The following TFB1M variants were observed in gnomAD, a reference collection of about 807,000 sequenced individuals.
TFB1M encodes the protein dimethyladenosine transferase 1, mitochondrial.
A neutral mutation model predicts 31.1 loss-of-function variants in TFB1M; 27 were observed. That is an observed-to-expected ratio of 0.87 (90% confidence interval 0.64 to 1.20). The LOEUF (loss-of-function observed/expected upper bound fraction) is 1.20, where lower values mean the gene tolerates loss of function less well. TFB1M is among the 50% of genes most tolerant of loss of function. TFB1M has a pLI of 0.00. For synonymous variants in TFB1M, 166 were observed against 151.8 expected (o/e 1.09, Z -0.69); for missense variants, 394 against 418.7 (o/e 0.94, Z 0.51).
intron 2 of TFB1M, among the ~76,000 whole-genome samples, chr6:155,302,838 T>C (rs1777492880): frequency 6.6e-6 from 1 of 152,194 alleles, no homozygotes; most frequent in Non-Finnish European, 1.5e-5. Flanking sequence ...GATGTTTAAT[T>C]GACTCACAGT....
the TFB1M span, chr6:155,244,793 TCA>T: frequency 6.3e-7 from 1 of 1,599,884 alleles, no homozygotes; most frequent in Non-Finnish European, 8.5e-7. Context: ...AGTAAGTATC[TCA>T]GATTTAGGCT....
intron 2 of TFB1M, among the ~76,000 whole-genome samples, chr6:155,308,199 C>T (rs1483951880): frequency 6.6e-6 from 1 of 152,130 alleles, no homozygotes; most frequent in African/African-American, 2.4e-5. Context: ...TAGAAATGCA[C>T]AATCAGAATG....
chr6:155,299,061 G>A (rs186481789), intron 2 of TFB1M, among the ~76,000 whole-genome samples: 3 of 151,806 alleles, frequency 2.0e-5, no homozygotes, highest in East Asian at 1.9e-4. Flanking sequence ...TAATATATGC[G>A]TAGATTTAGC....
chr6:155,254,620 C>T (rs770289853), downstream of TFB1M: 13 of 1,595,562 alleles, frequency 8.1e-6, 1 homozygote, highest in Admixed American at 1.2e-4. Context: ...ATATTATGAG[C>T]TTCTGAAAAG....
chr6:155,258,942 C>G (rs1784256891), intron 6 of TFB1M, among the ~76,000 whole-genome samples: 1 of 152,190 alleles, frequency 6.6e-6, no homozygotes, highest in Non-Finnish European at 1.5e-5. Context: ...ACCAATAAGT[C>G]AAAGTCCTTT....
At position 155,311,352 on chromosome 6, in the gene TFB1M, G is replaced by A. The variant is rs930129108; in HGVS notation, c.134-13C>T. The A allele has an allele frequency of 6.2e-7, 1 of 1,612,094 alleles. No individual in the cohort carries two copies. Among genetic ancestry groups the A allele is most frequent in the South Asian group, 1.1e-5 (1 of 91,018 alleles). On this transcript the variant is annotated splice_polypyrimidine_tract_variant and intron_variant, in intron 1 of 6. Coordinates refer to ENST00000367166, the MANE Select transcript of TFB1M (RefSeq NM_016020.4). ...CTTACAATCTTATCTAGAGGAAAAA[G>A]AGTTTTAGTTATCTCAATTAACTTG...
At chr6:155,254,580 A>C (rs376976819), downstream of TFB1M, 2 of 1,608,494 alleles carry the variant, frequency 1.2e-6, no homozygotes, top group Non-Finnish European at 1.7e-6. Context: ...TTAGGTGAGA[A>C]TTTTGCTAGC....
At chr6:155,272,941 T>TA (rs1785001615) in intron 5 of TFB1M, among the ~76,000 whole-genome samples, 1 of 152,118 alleles carries the variant, frequency 6.6e-6, no homozygotes, top group African/African-American at 2.4e-5. Context: ...AAGCTGAACA[T>TA]AGATTGACAA....
chr6:155,264,447 A>G (rs1784529838), intron 5 of TFB1M, among the ~76,000 whole-genome samples: 1 of 152,228 alleles, frequency 6.6e-6, no homozygotes, highest in Non-Finnish European at 1.5e-5. Context: ...AGCCAATTTA[A>G]GGAAAGAATT....
At chr6:155,303,556 T>C (rs1028491886) in intron 2 of TFB1M, 1 of 152,246 alleles carries the variant, frequency 6.6e-6, no homozygotes, top group African/African-American at 2.4e-5. Context: ...TGATTAACTA[T>C]GGTAACATCA....
intron 5 of TFB1M, among the ~76,000 whole-genome samples, chr6:155,267,768 C>T (rs1784728289): frequency 6.6e-6 from 1 of 152,164 alleles, no homozygotes; most frequent in Admixed American, 6.5e-5. Flanking sequence ...CAAGAATGAC[C>T]TAATTTGTAT....
downstream of TFB1M, among the ~76,000 whole-genome samples, chr6:155,252,575 T>C (rs995666574): frequency 2.0e-5 from 3 of 152,222 alleles, no homozygotes; most frequent in African/African-American, 7.2e-5. Flanking sequence ...TCCATAAACA[T>C]AGTCTGTGAA....
chr6:155,286,294 T>A (rs1776621853), intron 4 of TFB1M, among the ~76,000 whole-genome samples: 1 of 151,878 alleles, frequency 6.6e-6, no homozygotes, highest in Admixed American at 6.6e-5. Context: ...TAAGCAAATA[T>A]CTATGACTTC....
the TFB1M span, among the ~76,000 whole-genome samples, chr6:155,233,924 C>T: frequency 4.0e-5 from 6 of 151,236 alleles, no homozygotes; most frequent in Admixed American, 3.9e-4. Flanking sequence ...GATTGTACCA[C>T]AGCACTCCAG....
chr6:155,237,120 G>A, the TFB1M span, among the ~76,000 whole-genome samples: 1 of 152,234 alleles, frequency 6.6e-6, no homozygotes, highest in Admixed American at 6.5e-5. Flanking sequence ...TACAATGGGG[G>A]TACAGGCATT....
chr6:155,257,212 C>G lies in TFB1M; in HGVS notation c.*624G>C. On this transcript the variant is annotated 3_prime_UTR_variant, in exon 7 of 7. Coordinates refer to ENST00000367166, the MANE Select transcript of TFB1M (RefSeq NM_016020.4). ...TTGCAAAAAAAAAAAAAAAAAAAAA[C>G]TGTTCATTCCTGGGTTTTGTGCAGT... 1 of 865,868 alleles carries G rather than the reference C, an allele frequency of 1.2e-6. No homozygotes were observed. Among genetic ancestry groups the G allele is most frequent in the Non-Finnish European group, 1.7e-6 (1 of 585,284 alleles). The allele number at this position is 865,868 out of a possible 1,614,324, so 53.6% of individuals were successfully genotyped here.
intron 5 of TFB1M, among the ~76,000 whole-genome samples, chr6:155,267,575 C>T (rs1784716349): frequency 6.6e-6 from 1 of 152,180 alleles, no homozygotes; most frequent in Admixed American, 6.5e-5. Flanking sequence ...CAGGTAAAAC[C>T]AGTCTTAGAG....
chr6:155,246,994 TACACACA>T, the TFB1M span, among the ~76,000 whole-genome samples: 1 of 152,230 alleles, frequency 6.6e-6, no homozygotes, highest in Non-Finnish European at 1.5e-5. Flanking sequence ...CCTGGATTCC[TACACACA>T]CCCTTCATGG....
At chr6:155,250,020 T>G in the TFB1M span, 1 of 1,410,462 alleles carries the variant, frequency 7.1e-7, no homozygotes, top group East Asian at 2.3e-5. Flanking sequence ...GTGTGGGGTC[T>G]GTAGGTGACC....
Sources: gnomAD v4.1 joint callset for allele counts (sites outside exome capture counted in the v4.1 genomes callset) on GRCh38, gnomAD v4.1.1 for gene constraint, MANE v1.5 for transcripts, NCBI Gene and HGNC (gene_info 2026-07-23, HGNC 2026-07-21) for gene names.